NBEA: variants seen among roughly 807,000 people sequenced by gnomAD.
The protein encoded by NBEA is lysosomal-trafficking regulator 2.
NBEA carries 44 observed loss-of-function variants against 343.4 expected under a neutral mutation model. The ratio of observed to expected loss-of-function variants is 0.13; its 90% CI spans 0.10 to 0.16. NBEA has a LOEUF of 0.16. NBEA is among the 10% of genes least tolerant of loss of function. The pLI, the probability that NBEA is intolerant of heterozygous loss-of-function variation, is 1.00. For missense variants in NBEA, 2,555 were observed against 3,631.3 expected (o/e 0.70, Z 7.62); for synonymous variants, 1,175 against 1,238.7 (o/e 0.95, Z 1.08).
intron 38 of NBEA, among the ~76,000 whole-genome samples, chr13:35,364,056 T>C (rs1347018871): frequency 1.3e-5 from 2 of 151,918 alleles, no homozygotes; most frequent in Admixed American, 1.3e-4. Flanking sequence ...TACCAGGAAG[T>C]TGAAAATAGA....
intron 17 of NBEA, among the ~76,000 whole-genome samples, chr13:35,124,379 T>G (rs960114897): frequency 1.1e-4 from 17 of 151,456 alleles, no homozygotes; most frequent in Admixed American, 9.9e-4. Context: ...TAAATATTTT[T>G]AAAATTTCGG....
chr13:35,084,339 C>G (rs2064606445), intron 10 of NBEA, among the ~76,000 whole-genome samples: 1 of 151,826 alleles, frequency 6.6e-6, no homozygotes, highest in East Asian at 1.9e-4. Context: ...AAGCACTCCT[C>G]AGCAAATGTA....
At chr13:35,204,025 G>A (rs1023942266) in intron 31 of NBEA, among the ~76,000 whole-genome samples, 32 of 152,084 alleles carry the variant, frequency 2.1e-4, no homozygotes, top group Admixed American at 1.2e-3. Context: ...GACTGGTACC[G>A]GTCTGTGGCC....
chr13:35,561,956 C>CA (rs2079876186), intron 44 of NBEA, among the ~76,000 whole-genome samples: 2 of 151,980 alleles, frequency 1.3e-5, no homozygotes, highest in Middle Eastern at 3.4e-3. Context: ...ATTGGAAATA[C>CA]AAAAAATGGT....
At chr13:35,282,870 CTG>C (rs2035148634) in intron 34 of NBEA, among the ~76,000 whole-genome samples, 2 of 152,092 alleles carry the variant, frequency 1.3e-5, no homozygotes, top group Admixed American at 1.3e-4. Context: ...AGACCGAAGA[CTG>C]TATCATTTCT....
At chr13:35,316,826 T>G (rs534916410) in intron 36 of NBEA, among the ~76,000 whole-genome samples, 1 of 152,318 alleles carries the variant, frequency 6.6e-6, no homozygotes, top group South Asian at 2.1e-4. Flanking sequence ...TGGTATCTCA[T>G]TGTGATTTTG....
At chr13:34,995,051 T>G (rs2060890395) in intron 1 of NBEA, among the ~76,000 whole-genome samples, 1 of 152,188 alleles carries the variant, frequency 6.6e-6, no homozygotes, top group Non-Finnish European at 1.5e-5. Flanking sequence ...AGTCCTAGGT[T>G]CTCTCTGCCC....
intron 46 of NBEA, among the ~76,000 whole-genome samples, chr13:35,588,867 C>T (rs1210048627): frequency 1.3e-5 from 2 of 152,112 alleles, no homozygotes; most frequent in Non-Finnish European, 2.9e-5. Context: ...AAAACTCATT[C>T]GTCAAACATT....
At chr13:35,096,834 G>A (rs1446206467) in intron 10 of NBEA, among the ~76,000 whole-genome samples, 1 of 151,862 alleles carries the variant, frequency 6.6e-6, no homozygotes, top group Non-Finnish European at 1.5e-5. Flanking sequence ...TTGCTTAACA[G>A]CTGTGCTTCT....
intron 41 of NBEA, among the ~76,000 whole-genome samples, chr13:35,525,422 G>A (rs1045131055): frequency 2.0e-5 from 3 of 151,996 alleles, no homozygotes; most frequent in African/African-American, 7.2e-5. Context: ...TCGTGGTGGC[G>A]CATGCCTGTA....
At chr13:35,592,501 G>A (rs964014863) in intron 46 of NBEA, among the ~76,000 whole-genome samples, 3 of 152,108 alleles carry the variant, frequency 2.0e-5, no homozygotes, top group African/African-American at 4.8e-5. Flanking sequence ...CCGTGGTAGC[G>A]CAAGGAAAGT....
At chr13:35,521,588 T>A (rs1351345224) in intron 41 of NBEA, among the ~76,000 whole-genome samples, 1 of 152,194 alleles carries the variant, frequency 6.6e-6, no homozygotes, top group Non-Finnish European at 1.5e-5. Context: ...GCTTCATCGT[T>A]GTTTCTCCTC....
chr13:35,420,874 G>T (rs1164689252), intron 38 of NBEA, among the ~76,000 whole-genome samples: 1 of 151,738 alleles, frequency 6.6e-6, no homozygotes, highest in East Asian at 1.9e-4. Context: ...GGTAATTTGT[G>T]TCTACTCTTT....
intron 36 of NBEA, among the ~76,000 whole-genome samples, chr13:35,320,765 C>G (rs1055592428): frequency 2.6e-5 from 4 of 152,124 alleles, no homozygotes; most frequent in African/African-American, 9.7e-5. Flanking sequence ...TTCACATGGT[C>G]CCACATTTCT....
intron 21 of NBEA, among the ~76,000 whole-genome samples, chr13:35,158,673 T>C (rs899487534): frequency 6.6e-6 from 1 of 152,148 alleles, no homozygotes; most frequent in Non-Finnish European, 1.5e-5. Context: ...TATTAGCTGC[T>C]TATTCTCTGT....
At chr13:34,952,538 C>T (rs1197434856) in intron 1 of NBEA, among the ~76,000 whole-genome samples, 2 of 151,976 alleles carry the variant, frequency 1.3e-5, no homozygotes, top group African/African-American at 2.4e-5. Context: ...AAAGTAAATT[C>T]GTGATTTTCT....
chr13:35,379,934 T>A (rs767216708), intron 38 of NBEA, among the ~76,000 whole-genome samples: 1 of 152,162 alleles, frequency 6.6e-6, no homozygotes, highest in Non-Finnish European at 1.5e-5. Flanking sequence ...TTCTCACAAA[T>A]TGACTTGGCT....
intron 33 of NBEA, among the ~76,000 whole-genome samples, chr13:35,227,153 A>G (rs994893342): frequency 2.0e-5 from 3 of 151,690 alleles, no homozygotes; most frequent in Non-Finnish European, 4.4e-5. Flanking sequence ...TTTTTTTTCA[A>G]TATCATGTTT....
At chr13:35,225,921 A>G (rs546217604) in intron 33 of NBEA, among the ~76,000 whole-genome samples, 25 of 152,270 alleles carry the variant, frequency 1.6e-4, no homozygotes, top group Non-Finnish European at 3.1e-4. Context: ...CTAGTTTTCT[A>G]CATCTGAAAT....
Sources: allele counts gnomAD v4.1 joint callset (sites outside exome capture counted in the v4.1 genomes callset), GRCh38; gene constraint gnomAD v4.1.1; transcripts MANE v1.5; gene names NCBI Gene and HGNC (gene_info 2026-07-23, HGNC 2026-07-21).